CDK13: variants seen among roughly 807,000 people sequenced by gnomAD.
CDK13 encodes cyclin-dependent kinase 13.
Under a neutral mutation model 137.6 loss-of-function variants are expected in CDK13, and 40 were observed. The observed-to-expected ratio is 0.29, with a 90% CI of 0.23 to 0.38. The LOEUF is 0.38. Ranked by LOEUF, CDK13 falls within the 10% of genes least tolerant of loss-of-function variation. CDK13 has a pLI of 1.00. For missense variants in CDK13, 1,704 were observed against 1,951.8 expected, an observed-to-expected ratio of 0.87 and a Z score of 2.39; for synonymous variants, 869 against 760.1, an observed-to-expected ratio of 1.14 and a Z score of -2.36.
chr7:40,097,429 TAAA>T lies in CDK13; in HGVS notation c.*2453_*2455del, dbSNP rs544329185. On this transcript the variant is annotated 3_prime_UTR_variant, in exon 14 of 14. Transcript: ENST00000181839. ...TCTTATAATTGATGAAATATGATAG[TAAA>T]AAATTTTAATGCTTCCCTTCATAGC... 1.4e-4 allele frequency: 21 copies of T among 152,224 alleles called. No individual in the cohort carries two copies. Among genetic ancestry groups the T allele is most frequent in the African/African-American group, 4.6e-4 (19 of 41,564 alleles). The allele number at this position is 152,224 out of a possible 1,614,324, so 9.4% of individuals were successfully genotyped here. A position where few individuals can be genotyped will look rare whatever the true frequency, so the allele number is the denominator to read the frequency against.
intron 5 of CDK13, among the ~76,000 whole-genome samples, chr7:40,032,830 C>T (rs553324633): frequency 6.6e-6 from 1 of 152,140 alleles, no homozygotes; most frequent in African/African-American, 2.4e-5. Flanking sequence ...ATAGTGTCAG[C>T]CCTCTAACTT....
intron 5 of CDK13, among the ~76,000 whole-genome samples, chr7:40,037,578 A>C (rs1315475522): frequency 6.6e-6 from 1 of 152,234 alleles, no homozygotes; most frequent in Non-Finnish European, 1.5e-5. Context: ...TGTTGGTCAC[A>C]CAGACCGTCC....
chr7:40,093,620 T>A (rs1156389276), intron 13 of CDK13, among the ~76,000 whole-genome samples: 1 of 152,152 alleles, frequency 6.6e-6, no homozygotes, highest in Non-Finnish European at 1.5e-5. Flanking sequence ...AAAAGCCAAT[T>A]ACGGCTGGGT....
At chr7:40,083,672 A>G (rs1786720066) in intron 11 of CDK13, among the ~76,000 whole-genome samples, 1 of 152,222 alleles carries the variant, frequency 6.6e-6, no homozygotes. Context: ...CCTAAATCAG[A>G]CTTAATTTTA....
chr7:39,979,553 T>C (rs2116227465), intron 1 of CDK13, among the ~76,000 whole-genome samples: 1 of 152,126 alleles, frequency 6.6e-6, no homozygotes, highest in African/African-American at 2.4e-5. Flanking sequence ...TATGGTACTC[T>C]AGGGAAGTGG....
In CDK13 at chr7:39,951,260, G is replaced by A; in HGVS notation, c.619G>A (p.Gly207Ser). 7.5e-7 allele frequency: 1 copy of A among 1,329,608 alleles called. No homozygotes were observed. 82.4% of individuals were successfully genotyped at this position (1,329,608 alleles called of 1,614,324 possible). The change falls in exon 1 of 14, where the codon GGC becomes AGC. Residue 207 changes from glycine to serine, a missense_variant. Transcript: ENST00000181839. ...CCGCCGGGACCGCCGCAGCAGCAGTGGCCGCAGCAAGGAGCGCCACCGCGA... is the reference window on the plus strand; with the variant it reads ...CCGCCGGGACCGCCGCAGCAGCAGTAGCCGCAGCAAGGAGCGCCACCGCGA... ...RPRRDRRSSS[G>S]RSKERHREHR...
chr7:40,044,697 C>T (rs527433339), intron 5 of CDK13, among the ~76,000 whole-genome samples: 36 of 152,176 alleles, frequency 2.4e-4, no homozygotes, highest in Admixed American at 1.1e-3. Flanking sequence ...AGTGCAGTAG[C>T]GTGATCTCGG....
rs564819672 is a variant in CDK13 at position 39,989,075 on chromosome 7, C to A, written c.1871+817C>A. ...CTCCAGCCTGGGTGACACAGTAAGA[C>A]CGTGTCTCACCAAAAAAAAAAAAAA... is the stretch of plus-strand genomic sequence containing the variant. On this transcript the variant is annotated intron_variant, in intron 2 of 13. Transcript: ENST00000181839. Among the ~76,000 whole-genome samples the A allele has an allele frequency of 2.3e-4, 23 of 99,200 alleles. No homozygotes were observed. The South Asian group carries it at 7.7e-3, about 33-fold the overall frequency. 65.1% of individuals were successfully genotyped at this position (99,200 alleles called of 152,430 possible).
intron 1 of CDK13, among the ~76,000 whole-genome samples, chr7:39,980,179 CAATT>C (rs759741985): frequency 6.6e-6 from 1 of 152,010 alleles, no homozygotes; most frequent in African/African-American, 2.4e-5. Flanking sequence ...TAAAATGAGA[CAATT>C]AAGAGGTTGT....
At chr7:40,089,723 AGTGTGTGT>A (rs142023627) in intron 12 of CDK13, among the ~76,000 whole-genome samples, 3 of 125,230 alleles carry the variant, frequency 2.4e-5, no homozygotes, top group African/African-American at 4.4e-5. Flanking sequence ...AGAGAGAGAG[AGTGTGTGT>A]GTGTGTGTGT....
intron 5 of CDK13, among the ~76,000 whole-genome samples, chr7:40,009,365 A>G (rs1784851988): frequency 6.6e-6 from 1 of 152,196 alleles, no homozygotes; most frequent in Non-Finnish European, 1.5e-5. Context: ...TTATGCTTGG[A>G]TATTCTAGCA....
chr7:40,063,018 A>G lies in CDK13; in HGVS notation c.2703-5A>G, dbSNP rs148505855. The G allele has an allele frequency of 2.5e-6, 4 of 1,613,386 alleles. No individual in the cohort carries two copies. Among genetic ancestry groups the G allele is most frequent in the Non-Finnish European group, 3.4e-6 (4 of 1,179,402 alleles). On this transcript the variant is annotated splice_polypyrimidine_tract_variant and splice_region_variant and intron_variant, in intron 8 of 13. Coordinates refer to ENST00000181839, the MANE Select transcript of CDK13 (RefSeq NM_003718.5). ...TTTGGTAATGACGGGTATTTTTTCC[A>G]TTAGCTGTATCCTTGGCGAACTCTT...
intron 5 of CDK13, among the ~76,000 whole-genome samples, chr7:40,003,206 A>ACTCTCTCTCTCTCTCTCTCTCT (rs144732307): frequency 1.3e-5 from 1 of 79,864 alleles, no homozygotes; most frequent in African/African-American, 4.8e-5. Flanking sequence ...ACACACACAC[A>ACTCTCTCTCTCTCTCTCTCTCT]CTCTCTCTCT....
intron 2 of CDK13, among the ~76,000 whole-genome samples, chr7:39,993,647 A>T (rs112175674): frequency 2.4e-4 from 36 of 152,160 alleles, no homozygotes; most frequent in African/African-American, 8.7e-4. Flanking sequence ...TATGTTAGAG[A>T]TCTTTCCATG....
At chr7:40,019,527 C>CTCA (rs2116392456) in intron 5 of CDK13, among the ~76,000 whole-genome samples, 1 of 152,108 alleles carries the variant, frequency 6.6e-6, no homozygotes, top group South Asian at 2.1e-4. Context: ...TTTGGTGGAC[C>CTCA]TCATTCTTTT....
At chr7:40,070,086 A>AAAG (rs1248343398) in intron 9 of CDK13, 5 of 153,466 alleles carry the variant, frequency 3.3e-5, no homozygotes, top group African/African-American at 1.2e-4. Flanking sequence ...AAAAAAAAAA[A>AAAG]AAAAAAAGCC....
rs1268009264 is a variant in CDK13, at chr7:40,094,828, G to A, written c.4387G>A (p.Gly1463Ser). The change falls in exon 14 of 14, where the codon GGT (glycine) becomes AGT (serine). Residue 1463 changes from glycine to serine, a missense_variant. By Grantham distance (56) the Gly-to-Ser change is moderately conservative. Around this residue, in one of 5 missense-constraint regions of CDK13, gnomAD observed 475 missense variants for 579.3 expected, o/e 0.82. Transcript: ENST00000181839. ...LPAKMHNYNY[G>S]GNLQENPSGP... ...AGCAAAGATGCACAACTATAACTATGGTGGTAACTTACAGGAAAATCCGAG... is the reference window on the plus strand; with the variant it reads ...AGCAAAGATGCACAACTATAACTATAGTGGTAACTTACAGGAAAATCCGAG... 6.4e-7 allele frequency: 1 copy of A among 1,566,226 alleles called. No homozygotes were observed. The highest frequency in any genetic ancestry group is 1.4e-5 in the African/African-American group (1 of 73,540).
rs1349044375 is a variant in CDK13, at chr7:40,088,162, T to C, written c.3066T>C (p.Ser1022=). Residue 1022 remains serine, a synonymous_variant, in exon 12 of 14, where the codon AGT becomes AGC. Coordinates refer to ENST00000181839, the MANE Select transcript of CDK13 (RefSeq NM_003718.5). ...PLWQDCHELW[S]KKRRRQKQMG... is the part of the protein sequence containing the mutation. ...GGCAAGATTGTCATGAGTTATGGAG[T>C]AAAAAGCGAAGAAGACAGAAGCAGA... The C allele has an allele frequency of 6.2e-7, 1 of 1,613,778 alleles. No homozygotes were observed. The highest frequency in any genetic ancestry group is 1.1e-5 in the South Asian group (1 of 91,066).
intron 9 of CDK13, among the ~76,000 whole-genome samples, chr7:40,064,719 CATT>C (rs1013081381): frequency 6.6e-6 from 1 of 150,608 alleles, no homozygotes; most frequent in Non-Finnish European, 1.5e-5. Context: ...CTTTTAATAA[CATT>C]ATGAAAAAGA....
Sources: allele counts gnomAD v4.1 joint callset (sites outside exome capture counted in the v4.1 genomes callset), GRCh38; gene constraint gnomAD v4.1.1; regional missense constraint gnomAD v4.1.1; transcripts MANE v1.5; gene names NCBI Gene and HGNC (gene_info 2026-07-23, HGNC 2026-07-21).